The following ZNF888 variants were observed in gnomAD, a reference collection of about 807,000 sequenced individuals.
ZNF888 encodes the protein CTD-2331H12.6.
ZNF888 carries 5 observed loss-of-function variants against 7.2 expected under a neutral mutation model. That is an observed-to-expected ratio of 0.70 (90% CI 0.36 to 1.46). ZNF888 has a LOEUF of 1.46. Ranked by LOEUF, ZNF888 falls within the 40% of genes most tolerant of loss-of-function variation. The pLI, the probability that ZNF888 is intolerant of heterozygous loss-of-function variation, is 0.03. For missense variants in ZNF888, 716 were observed against 858.0 expected, an observed-to-expected ratio of 0.83 and a Z score of 2.07; for synonymous variants, 240 against 284.3, an observed-to-expected ratio of 0.84 and a Z score of 1.57.
At position 52,907,282 on chromosome 19, in the gene ZNF888, A is replaced by C; in HGVS notation, c.1040T>G (p.Val347Gly). The change falls in exon 5 of 5, where the codon GTT becomes GGT. Residue 347 changes from valine (V) to glycine (G), a missense_variant. Physicochemically the swap from Val to Gly is moderately radical, Grantham distance 109. This residue lies in a region of ZNF888 where 697 missense variants were observed against 803.4 expected (regional missense o/e 0.87). Transcript: ENST00000638862. Reference sequence around the variant, plus strand: ...TTGGTAAGGTTTCTCTCCAGTATGAACTCTATGATGACGTGCAAGGTTTGA... The same window carrying C: ...TTGGTAAGGTTTCTCTCCAGTATGACCTCTATGATGACGTGCAAGGTTTGA... The part of the protein sequence containing the change: ...QQSNLARHHR[V>G]HTGEKPYQCK... 1 of 1,612,582 alleles carries C rather than the reference A, an allele frequency of 6.2e-7. No individual in the cohort carries two copies. Among genetic ancestry groups the C allele is most frequent in the Non-Finnish European group, 8.5e-7 (1 of 1,179,658 alleles).
At chr19:52,913,067 A>G (rs929948679) in intron 4 of ZNF888, among the ~76,000 whole-genome samples, 1 of 152,192 alleles carries the variant, frequency 6.6e-6, no homozygotes, top group Non-Finnish European at 1.5e-5. Context: ...AGATCGCAAC[A>G]TTACATTTCA....
At position 52,910,765 on chromosome 19, in the gene ZNF888, A is replaced by G. The variant is rs143376627; in HGVS notation, c.143-2586T>C. 6.2e-3 allele frequency among the ~76,000 whole-genome samples: 944 copies of G among 151,950 alleles called. 17 individuals are homozygous for G. The highest frequency in any genetic ancestry group is 0.021 in the African/African-American group (864 of 41,286). ...GATTTCTCCCTTCCCAAATTCATGA[A>G]AAATAAATTTCTGTCTCTTAAGCCT... On this transcript the variant is annotated intron_variant, in intron 4 of 4. Coordinates refer to ENST00000638862, the MANE Select transcript of ZNF888 (RefSeq NM_001393938.1).
rs1245627853 is a variant in ZNF888 at position 52,911,493 on chromosome 19, T to C, written c.143-3314A>G. The stretch of plus-strand genomic sequence containing the variant: ...AGCTGGGACCACAGGCGCCCGCCAC[T>C]ATGCCCAGCTAATTTTTTGTATTTT... On this transcript the variant is annotated intron_variant, in intron 4 of 4. Coordinates refer to ENST00000638862, the MANE Select transcript of ZNF888 (RefSeq NM_001393938.1). 3.3e-5 allele frequency among the ~76,000 whole-genome samples: 5 copies of C among 151,242 alleles called. No individual in the cohort carries two copies. In the East Asian group the frequency reaches 6.0e-4, roughly 18 times the overall value.
intron 4 of ZNF888, among the ~76,000 whole-genome samples, chr19:52,912,242 T>C (rs2064691373): frequency 6.7e-6 from 1 of 150,294 alleles, no homozygotes; most frequent in Non-Finnish European, 1.5e-5. Context: ...GCCTCCCGAG[T>C]AGCTGGGACT....
At chr19:52,911,486 C>G (rs1430365269) in intron 4 of ZNF888, among the ~76,000 whole-genome samples, 1 of 151,886 alleles carries the variant, frequency 6.6e-6, no homozygotes, top group Non-Finnish European at 1.5e-5. Flanking sequence ...CCACAGGCGC[C>G]CGCCACTATG....
Position 52,907,678 on chromosome 19 carries a change from T to A in ZNF888, c.644A>T (p.Gln215Leu), listed in dbSNP as rs910649334. ...QDVHRKEKSF[Q>L]FNESGKSFNC... ...AAAGGATTTGCCACTCTCATTAAAT[T>A]GGAAAGATTTTTCTTTCCTGTGTAC... Residue 215 changes from glutamine to leucine, a missense_variant, in exon 5 of 5, where the codon CAA becomes CTA. Gln to Leu is a moderately radical substitution (Grantham distance 113). Coordinates refer to ENST00000638862, the MANE Select transcript of ZNF888 (RefSeq NM_001393938.1). 22 of 1,606,732 alleles carry A rather than the reference T, an allele frequency of 1.4e-5. 1 individual carries two copies. In the Admixed American group the frequency reaches 3.6e-4, roughly 26 times the overall value.
Position 52,905,977 on chromosome 19 carries a change from A to G in ZNF888, c.*188T>C. 1.1e-6 allele frequency: 1 copy of G among 930,800 alleles called. No individual in the cohort carries two copies. The highest frequency in any genetic ancestry group is 1.8e-6 in the Non-Finnish European group (1 of 567,138). 57.7% of individuals were successfully genotyped at this position (930,800 alleles called of 1,614,324 possible). The stretch of plus-strand genomic sequence containing the variant: ...TGCATAGGATGAAGCTTGACTGAAG[A>G]CCTTGCCTCAATCATGACATTTGTA... On this transcript the variant is annotated 3_prime_UTR_variant, in exon 5 of 5. Transcript: ENST00000638862.
At position 52,920,037 on chromosome 19, in the gene ZNF888, C is replaced by T. The variant is rs1268299052; in HGVS notation, c.-177-1100G>A. ...ACTGGGAAGTGAGGACCCCTCTGCCCGGCCAGCCGCCCCGTCCGGGAGGGA... is the reference window on the plus strand; with the variant it reads ...ACTGGGAAGTGAGGACCCCTCTGCCTGGCCAGCCGCCCCGTCCGGGAGGGA... On this transcript the variant is annotated intron_variant, in intron 1 of 4. Transcript: ENST00000638862. 1.2e-4 allele frequency among the ~76,000 whole-genome samples: 6 copies of T among 51,898 alleles called. 3 individuals are homozygous for T. Among genetic ancestry groups the T allele is most frequent in the Non-Finnish European group, 2.6e-4 (6 of 23,026 alleles). The allele number at this position is 51,898 out of a possible 152,430, so 34.0% of individuals were successfully genotyped here. A position where few individuals can be genotyped will look rare whatever the true frequency, so the allele number is the denominator to read the frequency against.
chr19:52,913,703 A>C (rs1475880287), intron 4 of ZNF888: 2 of 982,144 alleles, frequency 2.0e-6, no homozygotes, highest in South Asian at 4.7e-5. Context: ...ACCTCTGCCC[A>C]TATATCTATA....
chr19:52,915,949 C>G (rs2064741473), intron 3 of ZNF888, among the ~76,000 whole-genome samples: 1 of 152,292 alleles, frequency 6.6e-6, no homozygotes, highest in South Asian at 2.1e-4. Flanking sequence ...CTCGAAGAGA[C>G]AGAGCATGAG....
intron 4 of ZNF888, among the ~76,000 whole-genome samples, chr19:52,910,955 A>G (rs922997784): frequency 6.6e-6 from 1 of 152,042 alleles, no homozygotes; most frequent in Non-Finnish European, 1.5e-5. Context: ...ATCTTAGCTC[A>G]CTGCAACCTC....
intron 1 of ZNF888, among the ~76,000 whole-genome samples, chr19:52,923,135 C>T (rs2064841706): frequency 6.6e-6 from 1 of 152,068 alleles, no homozygotes; most frequent in African/African-American, 2.4e-5. Context: ...GAAAACTACG[C>T]GATACAAACT....
At position 52,906,210 on chromosome 19, in the gene ZNF888, T is replaced by C. The variant is rs2064605353; in HGVS notation, c.2112A>G (p.Thr704=). ...ECGKAFRAQS[T]LIHHQAIHGV... Reference sequence around the variant, plus strand: ...CATGGATTGCCTGATGGTGAATAAGTGTTGACTGTGCACGAAAGGCTTTGC... The same window carrying C: ...CATGGATTGCCTGATGGTGAATAAGCGTTGACTGTGCACGAAAGGCTTTGC... The change falls in exon 5 of 5, where the codon ACA becomes ACG. Residue 704 remains threonine, a synonymous_variant. Coordinates refer to ENST00000638862, the MANE Select transcript of ZNF888 (RefSeq NM_001393938.1). The C allele has an allele frequency of 6.2e-7, 1 of 1,610,470 alleles. No individual in the cohort carries two copies. The highest frequency in any genetic ancestry group is 1.3e-5 in the African/African-American group (1 of 74,884).
intron 1 of ZNF888, among the ~76,000 whole-genome samples, chr19:52,921,321 G>A (rs2064821045): frequency 6.6e-6 from 1 of 152,200 alleles, no homozygotes; most frequent in Admixed American, 6.5e-5. Context: ...TTTTGTCCTG[G>A]GGAACACAGG....
Position 52,905,442 on chromosome 19 carries a change from A to AT in ZNF888, c.*722dup. ...GACTCAGCTTGCCTGCACCCAGGTG[A>AT]TTAAAAAAAAAAAAAATCTGTATCT... On this transcript the variant is annotated 3_prime_UTR_variant, in exon 5 of 5. Coordinates refer to ENST00000638862, the MANE Select transcript of ZNF888 (RefSeq NM_001393938.1). 1 of 134,304 alleles carries AT rather than the reference A, an allele frequency of 7.4e-6. No individual in the cohort carries two copies. The highest frequency in any genetic ancestry group is 7.9e-5 in the Admixed American group (1 of 12,636). 8.3% of individuals were successfully genotyped at this position (134,304 alleles called of 1,614,324 possible).
Position 52,905,657 on chromosome 19 carries a change from A to C in ZNF888, c.*508T>G, listed in dbSNP as rs1326101398. 1.7e-5 allele frequency: 7 copies of C among 402,784 alleles called. No individual in the cohort carries two copies. Among genetic ancestry groups the C allele is most frequent in the Non-Finnish European group, 3.0e-5 (6 of 199,178 alleles). The allele number at this position is 402,784 out of a possible 1,614,324, so 25.0% of individuals were successfully genotyped here. On this transcript the variant is annotated 3_prime_UTR_variant, in exon 5 of 5. Coordinates refer to ENST00000638862, the MANE Select transcript of ZNF888 (RefSeq NM_001393938.1). The stretch of plus-strand genomic sequence containing the variant: ...ACACTTTAATGTCAATTAATGCTTG[A>C]ACTCAACGTTAAGTCAACTCAAACT...
chr19:52,911,123 C>T (rs2064672646), intron 4 of ZNF888, among the ~76,000 whole-genome samples: 1 of 152,112 alleles, frequency 6.6e-6, no homozygotes, highest in South Asian at 2.1e-4. Context: ...AAGTGATTGG[C>T]CCGTCTCAGC....
Position 52,907,773 on chromosome 19 carries a change from G to T in ZNF888, c.549C>A (p.Pro183=). ...CATAGTTATTAGAAATATGGGTTTT[G>T]GGCCTACAAGAAATTCTTTGGGATG... The part of the protein sequence containing the change: ...VSTSQRISCR[P]KTHISNNYGN... Residue 183 remains proline (P), a synonymous_variant, in exon 5 of 5, where the codon CCC becomes CCA. Coordinates refer to ENST00000638862, the MANE Select transcript of ZNF888 (RefSeq NM_001393938.1). The T allele has an allele frequency of 6.8e-6, 11 of 1,614,102 alleles. No homozygotes were observed. Among genetic ancestry groups the T allele is most frequent in the Non-Finnish European group, 9.3e-6 (11 of 1,180,018 alleles).
At chr19:52,921,989 G>C (rs2064826864) in intron 1 of ZNF888, among the ~76,000 whole-genome samples, 1 of 152,108 alleles carries the variant, frequency 6.6e-6, no homozygotes, top group Non-Finnish European at 1.5e-5. Context: ...GTCAGCTGTT[G>C]AACTAAGACA....
Sources: allele counts gnomAD v4.1 joint callset (sites outside exome capture counted in the v4.1 genomes callset), GRCh38; gene constraint gnomAD v4.1.1; regional missense constraint gnomAD v4.1.1; transcripts MANE v1.5; gene names NCBI Gene and HGNC (gene_info 2026-07-23, HGNC 2026-07-21).